Variants in SPIRE2 observed in about 807,000 individuals in gnomAD.
SPIRE2 encodes spire type actin nucleation factor 2.
A neutral mutation model predicts 80.7 loss-of-function variants in SPIRE2; 76 were observed. The ratio of observed to expected loss-of-function variants is 0.94; its 90% CI spans 0.78 to 1.14. The LOEUF (loss-of-function observed/expected upper bound fraction) is 1.14. SPIRE2 is among the 50% of genes most tolerant of loss of function. SPIRE2 has a pLI of 0.00. For missense variants in SPIRE2, 1,196 were observed against 1,015.3 expected (o/e 1.18, Z -2.42); for synonymous variants, 535 against 432.6 (o/e 1.24, Z -2.94).
At chr16:89,830,885 A>T (rs1042914368) in intron 1 of SPIRE2, among the ~76,000 whole-genome samples, 1 of 149,830 alleles carries the variant, frequency 6.7e-6, no homozygotes, top group Non-Finnish European at 1.5e-5. Flanking sequence ...CTTTACTCTG[A>T]AGACTTTGTA....
At chr16:89,835,755 G>A (rs2041442373) in intron 1 of SPIRE2, among the ~76,000 whole-genome samples, 1 of 152,188 alleles carries the variant, frequency 6.6e-6, no homozygotes, top group Admixed American at 6.5e-5. Flanking sequence ...GGAAGTCGAG[G>A]ACACCTGGAG....
At chr16:89,844,192 G>A (rs868020185) in intron 1 of SPIRE2, among the ~76,000 whole-genome samples, 3 of 151,316 alleles carry the variant, frequency 2.0e-5, no homozygotes, top group East Asian at 2.0e-4. Context: ...ATGCAGTCAC[G>A]CTCTGTTGCC....
In SPIRE2 at chr16:89,831,498, C is replaced by T. The variant is rs1212479841; in HGVS notation, c.244+2704C>T. ...CTGCAAGCTTCGCCTACTGGGTTCACGCCATTCTCCTGCCTCAGCGTCCCG... is the reference window on the plus strand; with the variant it reads ...CTGCAAGCTTCGCCTACTGGGTTCATGCCATTCTCCTGCCTCAGCGTCCCG... On this transcript the variant is annotated intron_variant, in intron 1 of 14. Coordinates refer to ENST00000378247, the MANE Select transcript of SPIRE2 (RefSeq NM_032451.2). Among the ~76,000 whole-genome samples the T allele has an allele frequency of 4.7e-5, 7 of 149,450 alleles. No homozygotes were observed. The South Asian group carries it at 8.4e-4, about 18-fold the overall frequency.
At chr16:89,856,611 A>T (rs1232492996) in intron 7 of SPIRE2, among the ~76,000 whole-genome samples, 2 of 122,724 alleles carry the variant, frequency 1.6e-5, no homozygotes, top group Admixed American at 8.3e-5. Context: ...CGCCTGGCTA[A>T]TTTTTTTTTT....
chr16:89,863,343 C>A lies in SPIRE2; in HGVS notation c.1576-133C>A. The A allele has an allele frequency of 1.1e-6, 1 of 946,680 alleles. No homozygotes were observed. Among genetic ancestry groups the A allele is most frequent in the Non-Finnish European group, 1.6e-6 (1 of 642,436 alleles). The allele number at this position is 946,680 out of a possible 1,614,324, so 58.6% of individuals were successfully genotyped here. A position where few individuals can be genotyped will look rare whatever the true frequency, so the allele number is the denominator to read the frequency against. ...GATGGATGGCTGATGGACAAGATGG[C>A]TGATGGACAGCGTTTTAGAAGGTCG... On this transcript the variant is annotated intron_variant, in intron 10 of 14. Coordinates refer to ENST00000378247, the MANE Select transcript of SPIRE2 (RefSeq NM_032451.2). The surrounding 1 kb of genome is among the most constrained non-coding windows in gnomAD (Gnocchi z 4.3).
intron 13 of SPIRE2, among the ~76,000 whole-genome samples, chr16:89,868,648 CTTGAGACCAGCCTGG>C (rs1383655462): frequency 2.0e-5 from 3 of 151,926 alleles, no homozygotes; most frequent in Admixed American, 6.6e-5. Context: ...TGGCGGACCA[CTTGAGACCAGCCTGG>C]CCAACATGGT....
At chr16:89,855,270 A>C (rs1162309908) in intron 5 of SPIRE2, among the ~76,000 whole-genome samples, 1 of 152,040 alleles carries the variant, frequency 6.6e-6, no homozygotes, top group Non-Finnish European at 1.5e-5. Context: ...AACAAAACTC[A>C]TGGAGCCCTT....
At chr16:89,858,939 C>T (rs979273876) in intron 8 of SPIRE2, among the ~76,000 whole-genome samples, 7 of 152,196 alleles carry the variant, frequency 4.6e-5, no homozygotes, top group East Asian at 1.9e-4. Flanking sequence ...GCTCTGCCTC[C>T]GTCTGACACT....
At chr16:89,849,855 TG>T in intron 2 of SPIRE2, 1 of 264,006 alleles carries the variant, frequency 3.8e-6, no homozygotes, top group Non-Finnish European at 7.4e-6. Flanking sequence ...TTTTTTTTTT[TG>T]AGACAGAGTC....
At chr16:89,861,132 C>T (rs190781571) in intron 10 of SPIRE2, among the ~76,000 whole-genome samples, 83 of 152,116 alleles carry the variant, frequency 5.5e-4, no homozygotes, top group African/African-American at 1.6e-3. Flanking sequence ...TTCACTGGGT[C>T]GAGACCTTGA....
chr16:89,870,359 CATAT>C lies in SPIRE2; in HGVS notation c.*91_*94del, dbSNP rs1469868468. 1.4e-6 allele frequency: 1 copy of C among 704,160 alleles called. No individual in the cohort carries two copies. Among genetic ancestry groups the C allele is most frequent in the African/African-American group, 1.8e-5 (1 of 56,220 alleles). The allele number at this position is 704,160 out of a possible 1,614,324, so 43.6% of individuals were successfully genotyped here. On this transcript the variant is annotated 3_prime_UTR_variant, in exon 15 of 15. Transcript: ENST00000378247. ...TCTGAGCTGTGCATGTACATATATACATATATAGATACATTTATAATATATACAC... is the reference window on the plus strand; with the variant it reads ...TCTGAGCTGTGCATGTACATATATACATAGATACATTTATAATATATACAC...
chr16:89,835,683 C>T (rs2143780095), intron 1 of SPIRE2, among the ~76,000 whole-genome samples: 1 of 152,252 alleles, frequency 6.6e-6, no homozygotes, highest in African/African-American at 2.4e-5. Context: ...GGTTGAGGCC[C>T]CATTTAGGAG....
chr16:89,850,812 T>A, intron 3 of SPIRE2, 152 bp downstream of exon 3: 1 of 584,480 alleles, frequency 1.7e-6, no homozygotes, highest in South Asian at 2.3e-5. Context: ...CACTTAATCC[T>A]CACGCTTTCT....
chr16:89,856,088 C>A (rs760052979), intron 6 of SPIRE2, 25 bp from the exon 7 acceptor site: 1 of 1,601,230 alleles, frequency 6.2e-7, no homozygotes, highest in African/African-American at 1.3e-5. Flanking sequence ...GCTTCCCCAC[C>A]GCAGGTCTCG....
chr16:89,831,461 G>A (rs1309037737), intron 1 of SPIRE2, among the ~76,000 whole-genome samples: 6 of 144,908 alleles, frequency 4.1e-5, no homozygotes, highest in Admixed American at 6.9e-5. Context: ...GCAGTGGCGC[G>A]TTCTCGGCTC....
Position 89,828,805 on chromosome 16 carries a change from G to A in SPIRE2, c.244+11G>A. On this transcript the variant is annotated intron_variant, in intron 1 of 14. Transcript: ENST00000378247. The surrounding 1 kb of genome is among the most constrained non-coding windows in gnomAD (Gnocchi z 5.9). ...AGCCCGAGGCCGCGGGTGAGGCCGG[G>A]GGCGGGGCAGCCGGCGGGGACCGCG... The A allele has an allele frequency of 8.5e-7, 1 of 1,178,198 alleles. No homozygotes were observed. Among genetic ancestry groups the A allele is most frequent in the Non-Finnish European group, 1.0e-6 (1 of 953,324 alleles). 73.0% of individuals were successfully genotyped at this position (1,178,198 alleles called of 1,614,324 possible).
At chr16:89,850,789 C>T (rs1465652957) in intron 3 of SPIRE2, 129 bp downstream of exon 3, 2 of 637,466 alleles carry the variant, frequency 3.1e-6, no homozygotes, top group Admixed American at 7.0e-5. Context: ...CTGCCGCTGG[C>T]ATTATGTATT....
At chr16:89,870,005 A>C in intron 14 of SPIRE2, 45 bp from the exon 15 acceptor site, 2 of 1,549,948 alleles carry the variant, frequency 1.3e-6, no homozygotes, top group Non-Finnish European at 1.8e-6. Context: ...GGGGTGTGGC[A>C]CCCTGGCTGG....
chr16:89,844,289 C>T (rs189394780), intron 1 of SPIRE2, among the ~76,000 whole-genome samples: 195 of 152,230 alleles, frequency 1.3e-3, no homozygotes, highest in Non-Finnish European at 2.2e-3. Context: ...ACGCCTCAGT[C>T]TCCTGAGTAG....
Sources: gnomAD v4.1 joint callset for allele counts (sites outside exome capture counted in the v4.1 genomes callset) on GRCh38, gnomAD v4.1.1 for gene constraint, Gnocchi (gnomAD v3.1) non-coding constraint, MANE v1.5 for transcripts, NCBI Gene and HGNC (gene_info 2026-07-23, HGNC 2026-07-21) for gene names.